Variants in EIF4ENIF1 observed in about 807,000 individuals in gnomAD.
EIF4ENIF1 encodes the protein eukaryotic translation initiation factor 4E nuclear import factor 1, also known as eukaryotic translation initiation factor 4E transporter.
In EIF4ENIF1, 23 loss-of-function variants were observed where a neutral mutation model predicts 110.5. The observed-to-expected ratio is 0.21, with a 90% confidence interval of 0.15 to 0.29. EIF4ENIF1 has a LOEUF of 0.29. EIF4ENIF1 is among the 10% of genes least tolerant of loss of function. The probability of loss-of-function intolerance (pLI) is 1.00; values close to 1 mark genes in which losing one functional copy is unlikely to be tolerated. For synonymous variants in EIF4ENIF1, 440 were observed against 437.0 expected, an observed-to-expected ratio of 1.01 and a Z score of -0.09; for missense variants, 1,031 against 1,221.1, an observed-to-expected ratio of 0.84 and a Z score of 2.32.
At position 31,443,100 on chromosome 22, in the gene EIF4ENIF1, G is replaced by T; in HGVS notation, c.2074-6C>A. 1.2e-6 allele frequency: 2 copies of T among 1,613,466 alleles called. No homozygotes were observed. Among genetic ancestry groups the T allele is most frequent in the Non-Finnish European group, 1.7e-6 (2 of 1,179,888 alleles). Reference sequence around the variant, plus strand: ...GGGGTAAAGGAAGGAGAAAGCTGCAGAGAAAAACAATTGGCATTAGCACAT... The same window carrying T: ...GGGGTAAAGGAAGGAGAAAGCTGCATAGAAAAACAATTGGCATTAGCACAT... On this transcript the variant is annotated splice_polypyrimidine_tract_variant and splice_region_variant and intron_variant, in intron 15 of 18. Coordinates refer to ENST00000330125, the MANE Select transcript of EIF4ENIF1 (RefSeq NM_019843.4).
intron 16 of EIF4ENIF1, among the ~76,000 whole-genome samples, chr22:31,442,610 G>A (rs1305836803): frequency 6.6e-6 from 1 of 152,168 alleles, no homozygotes. Context: ...GTCTCCACAG[G>A]CTGGACATAA....
At chr22:31,462,109 C>T (rs1273951589) in intron 6 of EIF4ENIF1, among the ~76,000 whole-genome samples, 1 of 152,164 alleles carries the variant, frequency 6.6e-6, no homozygotes, top group Non-Finnish European at 1.5e-5. Flanking sequence ...TACAGGATAA[C>T]TTCAGACTTT....
intron 6 of EIF4ENIF1, among the ~76,000 whole-genome samples, chr22:31,460,191 G>A (rs931941927): frequency 6.6e-6 from 1 of 152,134 alleles, no homozygotes; most frequent in Non-Finnish European, 1.5e-5. Flanking sequence ...ATGGTAATAT[G>A]TACTATATTT....
Position 31,488,611 on chromosome 22 carries a change from G to T in EIF4ENIF1, c.96+12C>A. 6.2e-7 allele frequency: 1 copy of T among 1,614,030 alleles called. No individual in the cohort carries two copies. The highest frequency in any genetic ancestry group is 8.5e-7 in the Non-Finnish European group (1 of 1,180,006). ...TAAAAAGAAACACTATTTCATTAGT[G>T]GCAAACCTTACTTTTGTATAGCGAT... On this transcript the variant is annotated intron_variant, in intron 2 of 18. Coordinates refer to ENST00000330125, the MANE Select transcript of EIF4ENIF1 (RefSeq NM_019843.4).
intron 4 of EIF4ENIF1, among the ~76,000 whole-genome samples, chr22:31,464,699 A>AAAAAAAAATATAT (rs1304121964): frequency 2.6e-5 from 1 of 39,136 alleles, no homozygotes; most frequent in Non-Finnish European, 5.1e-5. Flanking sequence ...AAAAAAAAAA[A>AAAAAAAAATATAT]ATATATATAT....
chr22:31,490,510 T>G (rs922809308), upstream of EIF4ENIF1, among the ~76,000 whole-genome samples: 2 of 152,300 alleles, frequency 1.3e-5, 1 homozygote. Context: ...CTTGTCACGA[T>G]TGGCTTTGAT....
chr22:31,447,917 G>C (rs979908369), intron 13 of EIF4ENIF1, among the ~76,000 whole-genome samples: 1 of 152,122 alleles, frequency 6.6e-6, no homozygotes, highest in Admixed American at 6.6e-5. Context: ...TCAGCCTCCT[G>C]TGTAGCTGGG....
chr22:31,491,944 C>T (rs146552738), upstream of EIF4ENIF1, among the ~76,000 whole-genome samples: 1 of 152,316 alleles, frequency 6.6e-6, no homozygotes, highest in African/African-American at 2.4e-5. Flanking sequence ...ATTTTGCTCT[C>T]AAATCTGCAA....
At chr22:31,471,782 A>T in intron 3 of EIF4ENIF1, 62 bp downstream of exon 3, 1 of 1,384,208 alleles carries the variant, frequency 7.2e-7, no homozygotes, top group South Asian at 1.3e-5. Context: ...TTAATTTACC[A>T]AGTTTGGTAT....
intron 2 of EIF4ENIF1, among the ~76,000 whole-genome samples, chr22:31,478,723 G>A (rs997529212): frequency 3.3e-5 from 5 of 151,234 alleles, no homozygotes; most frequent in African/African-American, 7.3e-5. Flanking sequence ...AGGCTGAGGC[G>A]GGCGGATCAT....
At chr22:31,487,793 CAAAAAAAAAA>C (rs35367724) in intron 2 of EIF4ENIF1, among the ~76,000 whole-genome samples, 1 of 69,012 alleles carries the variant, frequency 1.4e-5, no homozygotes, top group Non-Finnish European at 3.0e-5. Context: ...CTGTCGGGTG[CAAAAAAAAAA>C]AAAAAAAAAA....
intron 2 of EIF4ENIF1, among the ~76,000 whole-genome samples, chr22:31,487,270 A>G (rs1411087022): frequency 6.6e-6 from 1 of 152,252 alleles, no homozygotes; most frequent in Non-Finnish European, 1.5e-5. Flanking sequence ...ACATGCTGTC[A>G]TACCAAAACA....
rs773793511 is a variant in EIF4ENIF1, at chr22:31,455,206, C to T, written c.1209G>A (p.Gln403=). Residue 403 remains glutamine, a synonymous_variant, in exon 9 of 19, where the codon CAG becomes CAA. Coordinates refer to ENST00000330125, the MANE Select transcript of EIF4ENIF1 (RefSeq NM_019843.4). ...GAGGTTTCAAATCCACTTTGGCTTT[C>T]TGTAGCATTTCTAAAATATCCACTT... ...ENKVDILEML[Q]KAKVDLKPLL... is the part of the protein sequence containing the mutation. The T allele has an allele frequency of 8.7e-6, 14 of 1,613,880 alleles. 1 individual carries two copies. The South Asian group carries it at 1.4e-4, about 16-fold the overall frequency.
At chr22:31,465,956 A>C (rs1374763784) in intron 4 of EIF4ENIF1, among the ~76,000 whole-genome samples, 1 of 152,224 alleles carries the variant, frequency 6.6e-6, no homozygotes, top group Non-Finnish European at 1.5e-5. Flanking sequence ...ATGTAAACTA[A>C]TCTATAGAAA....
At chr22:31,490,200 C>T (rs1371758270), upstream of EIF4ENIF1, among the ~76,000 whole-genome samples, 1 of 152,246 alleles carries the variant, frequency 6.6e-6, no homozygotes, top group African/African-American at 2.4e-5. Context: ...ACGCCACTCT[C>T]CCGGAGGCGG....
intron 4 of EIF4ENIF1, among the ~76,000 whole-genome samples, chr22:31,467,954 T>C (rs544414928): frequency 5.3e-5 from 8 of 152,330 alleles, no homozygotes; most frequent in African/African-American, 1.9e-4. Context: ...ATCGGTACTT[T>C]TAATTCAGAA....
chr22:31,492,156 TATC>T (rs1453791602), upstream of EIF4ENIF1, among the ~76,000 whole-genome samples: 3 of 152,096 alleles, frequency 2.0e-5, no homozygotes, highest in African/African-American at 7.2e-5. Flanking sequence ...TTCCTTGAAA[TATC>T]AGGGCTGGAT....
At chr22:31,469,557 A>T (rs915811203) in intron 3 of EIF4ENIF1, among the ~76,000 whole-genome samples, 14 of 152,236 alleles carry the variant, frequency 9.2e-5, no homozygotes, top group African/African-American at 3.4e-4. Flanking sequence ...AGGATTATCT[A>T]GCATTTAAGA....
intron 4 of EIF4ENIF1, among the ~76,000 whole-genome samples, chr22:31,464,620 T>C (rs1176798417): frequency 1.5e-5 from 2 of 130,934 alleles, no homozygotes; most frequent in Non-Finnish European, 3.1e-5. Flanking sequence ...GAGGTTGCAG[T>C]AGCAGAAGTC....
Sources: allele counts gnomAD v4.1 joint callset (sites outside exome capture counted in the v4.1 genomes callset), GRCh38; gene constraint gnomAD v4.1.1; transcripts MANE v1.5; gene names NCBI Gene and HGNC (gene_info 2026-07-23, HGNC 2026-07-21).